SIRPG: variants seen among roughly 807,000 people sequenced by gnomAD.
SIRPG encodes signal-regulatory protein gamma.
SIRPG carries 38 observed loss-of-function variants against 35.7 expected under a neutral mutation model. The observed-to-expected ratio is 1.06, with a 90% CI of 0.82 to 1.40. The LOEUF (loss-of-function observed/expected upper bound fraction) is 1.40. Among genes scored for constraint, SIRPG ranks in the 40% most tolerant of loss-of-function variants. The probability of loss-of-function intolerance (pLI) is 0.00; values close to 1 mark genes in which losing one functional copy is unlikely to be tolerated. For missense variants in SIRPG, 519 were observed against 483.0 expected (o/e 1.07, Z -0.70); for synonymous variants, 215 against 190.4 (o/e 1.13, Z -1.06).
chr20:1,664,755 A>G, the SIRPG span, among the ~76,000 whole-genome samples: 1 of 152,066 alleles, frequency 6.6e-6, no homozygotes, highest in Non-Finnish European at 1.5e-5. Context: ...TCCTCCTGAG[A>G]TGTCTGTGGT....
At chr20:1,660,924 G>T (rs1425673379), upstream of SIRPG, among the ~76,000 whole-genome samples, 2 of 152,050 alleles carry the variant, frequency 1.3e-5, no homozygotes, top group Non-Finnish European at 2.9e-5. Flanking sequence ...TGTGATCCTG[G>T]GGTCACTATT....
At chr20:1,668,205 TTC>T in the SIRPG span, among the ~76,000 whole-genome samples, 1 of 40,734 alleles carries the variant, frequency 2.5e-5, no homozygotes, top group African/African-American at 6.7e-5. Context: ...TTTCTTTTCT[TTC>T]TTTCTTTCTT....
intron 3 of SIRPG, 117 bp downstream of exon 3, chr20:1,636,071 G>T: frequency 2.1e-6 from 3 of 1,432,920 alleles, no homozygotes; most frequent in Non-Finnish European, 2.9e-6. Context: ...TGGCGGGCGG[G>T]CAGTATAGTC....
Position 1,635,570 on chromosome 20 carries a change from G to A in SIRPG, c.778C>T (p.Pro260Ser), listed in dbSNP as rs781217864. ...TTTACCTGGTTCCCCACCCTCATGGGCTGTTGAGTAACCTCCAAGGTGGGT... is the reference window on the plus strand; with the variant it reads ...TTTACCTGGTTCCCCACCCTCATGGACTGTTGAGTAACCTCCAAGGTGGGT... Reference protein sequence around the residue: ...VPPTLEVTQQPMRVGNQVNVT... With the variant: ...VPPTLEVTQQSMRVGNQVNVT... The change falls in exon 4 of 6, where the codon CCC becomes TCC. Residue 260 changes from proline (P) to serine (S), a missense_variant. Physicochemically the swap from Pro to Ser is moderately conservative, Grantham distance 74. Transcript: ENST00000303415. 5.6e-6 allele frequency: 9 copies of A among 1,614,112 alleles called. No individual in the cohort carries two copies. In the South Asian group the frequency reaches 7.7e-5, roughly 14 times the overall value.
intron 4 of SIRPG, among the ~76,000 whole-genome samples, chr20:1,631,001 G>C (rs1292071088): frequency 6.6e-6 from 1 of 152,014 alleles, no homozygotes; most frequent in African/African-American, 2.4e-5. Context: ...ATGTCACCTA[G>C]GCCACCTCCA....
At chr20:1,666,939 A>G in the SIRPG span, among the ~76,000 whole-genome samples, 1 of 151,730 alleles carries the variant, frequency 6.6e-6, no homozygotes. Flanking sequence ...GGACAAAGAG[A>G]CTTGCTCTGT....
chr20:1,664,397 T>C, the SIRPG span, among the ~76,000 whole-genome samples: 1 of 151,530 alleles, frequency 6.6e-6, no homozygotes, highest in South Asian at 2.1e-4. Flanking sequence ...GGAGATGGAG[T>C]AGGCGGGAAT....
chr20:1,670,074 CT>C, the SIRPG span: 1 of 253,624 alleles, frequency 3.9e-6, no homozygotes, highest in Admixed American at 4.0e-5. Context: ...TCGTAGGTGC[CT>C]TCCATGTTCT....
rs917574984 is a variant in SIRPG, at chr20:1,636,233, C to T, written c.703G>A (p.Gly235Arg). 3.1e-6 allele frequency: 5 copies of T among 1,614,048 alleles called. No homozygotes were observed. The highest frequency in any genetic ancestry group is 1.3e-5 in the African/African-American group (1 of 74,912). Residue 235 changes from glycine to arginine, a missense_variant, in exon 3 of 6, where the codon GGG (glycine) becomes AGG (arginine). By Grantham distance (125) the Gly-to-Arg change is moderately radical. Coordinates refer to ENST00000303415, the MANE Select transcript of SIRPG (RefSeq NM_018556.4). Reference protein sequence around the residue: ...ICEVAHVTLQGDPLRGTANLS... With the variant: ...ICEVAHVTLQRDPLRGTANLS... ...TTGGCAGTCCCACGAAGAGGGTCCC[C>T]CTGCAAGGTGACATGGGCCACCTCG...
chr20:1,677,125 AAACATGAGACTGTATTAG>A, the SIRPG span, among the ~76,000 whole-genome samples: 1 of 142,752 alleles, frequency 7.0e-6, no homozygotes, highest in East Asian at 1.9e-4. Flanking sequence ...GATAGAGCTT[AAACATGAGACTGTATTAG>A]AACATGAGAC....
Position 1,643,231 on chromosome 20 carries a change from T to C in SIRPG, c.430+5821A>G, listed in dbSNP as rs149605804. Among the ~76,000 whole-genome samples the C allele has an allele frequency of 5.1e-3, 783 of 152,342 alleles. 9 individuals are homozygous for C. Among genetic ancestry groups the C allele is most frequent in the African/African-American group, 0.017 (700 of 41,582 alleles). ...CAATCAATCATAGCTGTGATCTTTT[T>C]ACATAGTCCCATATTTCTCTGAGGT... On this transcript the variant is annotated intron_variant, in intron 2 of 5. Coordinates refer to ENST00000303415, the MANE Select transcript of SIRPG (RefSeq NM_018556.4).
chr20:1,661,011 G>A (rs743081), upstream of SIRPG, among the ~76,000 whole-genome samples: 21,447 of 152,064 alleles, frequency 0.14, 1,684 homozygotes, highest in Non-Finnish European at 0.16. Context: ...TTTGTGATGA[G>A]AATTAAATGA....
At chr20:1,670,475 T>A in the SIRPG span, among the ~76,000 whole-genome samples, 1 of 151,818 alleles carries the variant, frequency 6.6e-6, no homozygotes, top group Non-Finnish European at 1.5e-5. Context: ...TAAGAATGAG[T>A]GAAATCTGCA....
chr20:1,630,423 T>C, intron 4 of SIRPG, 117 bp from the exon 5 acceptor site: 1 of 721,626 alleles, frequency 1.4e-6, no homozygotes, highest in Non-Finnish European at 2.3e-6. Flanking sequence ...CCTTTGAACC[T>C]GCATCCTGCC....
chr20:1,635,551 T>C lies in SIRPG; in HGVS notation c.797A>G (p.Gln266Arg), dbSNP rs1389223302. 2 of 1,614,192 alleles carry C rather than the reference T, an allele frequency of 1.2e-6. No homozygotes were observed. The highest frequency in any genetic ancestry group is 1.1e-5 in the South Asian group (1 of 91,082). Reference sequence around the variant, plus strand: ...CCTCACCTGGCAGGTGACGTTTACCTGGTTCCCCACCCTCATGGGCTGTTG... The same window carrying C: ...CCTCACCTGGCAGGTGACGTTTACCCGGTTCCCCACCCTCATGGGCTGTTG... ...VTQQPMRVGN[Q>R]VNVTCQVRKF... Residue 266 changes from glutamine to arginine, a missense_variant, in exon 4 of 6, where the codon CAG becomes CGG. Transcript: ENST00000303415.
chr20:1,662,363 G>A (rs1433248779), upstream of SIRPG, among the ~76,000 whole-genome samples: 1 of 152,164 alleles, frequency 6.6e-6, no homozygotes, highest in Non-Finnish European at 1.5e-5. Flanking sequence ...TGGGAGCTTG[G>A]TTAGCTCGTC....
intron 2 of SIRPG, among the ~76,000 whole-genome samples, chr20:1,642,265 T>A (rs547296870): frequency 6.6e-6 from 1 of 152,278 alleles, no homozygotes; most frequent in South Asian, 2.1e-4. Context: ...GGTTTATGAA[T>A]CTGGGTGCTC....
chr20:1,630,236 C>T lies in SIRPG; in HGVS notation c.1152G>A (p.Lys384=), dbSNP rs117221203. ...VLLGPIYVPW[K]QKT is the part of the protein sequence containing the mutation. ...CTTGTACTTACAGTCAGGTCTTCTG[C>T]TTCCAGGGGACGTAGATGGGGCCCA... Residue 384 remains lysine, a synonymous_variant, in exon 5 of 6, where the codon AAG becomes AAA. Transcript: ENST00000303415. The T allele has an allele frequency of 5.4e-4, 855 of 1,569,228 alleles. 1 individual carries two copies. The highest frequency in any genetic ancestry group is 7.2e-4 in the Non-Finnish European group (829 of 1,155,942).
intron 4 of SIRPG, among the ~76,000 whole-genome samples, chr20:1,631,254 G>T (rs193218693): frequency 6.6e-6 from 1 of 152,270 alleles, no homozygotes; most frequent in East Asian, 1.9e-4. Context: ...GGGTGTTGGA[G>T]GCCGGCAGTT....
Sources: allele counts gnomAD v4.1 joint callset (sites outside exome capture counted in the v4.1 genomes callset), GRCh38; gene constraint gnomAD v4.1.1; transcripts MANE v1.5; gene names NCBI Gene and HGNC (gene_info 2026-07-23, HGNC 2026-07-21).